The following FYB1 variants were observed in gnomAD, a reference collection of about 807,000 sequenced individuals.
The protein encoded by FYB1 is FYN binding protein 1, also known as FYN-binding protein 1.
A neutral mutation model predicts 94.1 loss-of-function variants in FYB1; 41 were observed. The ratio of observed to expected loss-of-function variants is 0.44; its 90% CI spans 0.34 to 0.57. The LOEUF is 0.57. Ranked by LOEUF, FYB1 falls within the 20% of genes least tolerant of loss-of-function variation. The probability of loss-of-function intolerance (pLI) is 0.02; values close to 1 mark genes in which losing one functional copy is unlikely to be tolerated. For missense variants in FYB1, 1,050 were observed against 976.8 expected, an observed-to-expected ratio of 1.07 and a Z score of -1.00; for synonymous variants, 367 against 353.2, an observed-to-expected ratio of 1.04 and a Z score of -0.44.
At chr5:39,128,265 C>G (rs749845876) in intron 10 of FYB1, among the ~76,000 whole-genome samples, 7 of 152,014 alleles carry the variant, frequency 4.6e-5, no homozygotes, top group African/African-American at 2.4e-5. Context: ...TGAAAAGTGA[C>G]TTTTAAAATA....
upstream of FYB1, among the ~76,000 whole-genome samples, chr5:39,224,572 A>G (rs905118436): frequency 1.3e-5 from 2 of 152,150 alleles, no homozygotes; most frequent in African/African-American, 4.8e-5. Context: ...TCCTCTAGAG[A>G]GCTCATTGTC....
At chr5:39,231,111 AG>A (rs1157076579) in intron 1 of FYB1, among the ~76,000 whole-genome samples, 1 of 144,340 alleles carries the variant, frequency 6.9e-6, no homozygotes, top group Non-Finnish European at 1.5e-5. Flanking sequence ...TCCAGGAGGC[AG>A]TTTGATGGAA....
chr5:39,260,258 G>C (rs1291354116), intron 1 of FYB1, among the ~76,000 whole-genome samples: 1 of 149,876 alleles, frequency 6.7e-6, no homozygotes, highest in Non-Finnish European at 1.5e-5. Context: ...ATAGCTTGTT[G>C]GGTAAATCCA....
intron 1 of FYB1, among the ~76,000 whole-genome samples, chr5:39,231,896 T>C (rs1750760812): frequency 6.6e-6 from 1 of 151,818 alleles, no homozygotes; most frequent in African/African-American, 2.4e-5. Context: ...TTTGAAGGGG[T>C]TTCTAGGTAA....
intron 2 of FYB1, among the ~76,000 whole-genome samples, chr5:39,174,057 T>A (rs1477859834): frequency 6.6e-6 from 1 of 152,198 alleles, no homozygotes; most frequent in Non-Finnish European, 1.5e-5. Context: ...ATTTTAATGA[T>A]ATCAATTCTT....
chr5:39,130,276 G>A (rs1186202557), intron 10 of FYB1, among the ~76,000 whole-genome samples: 1 of 152,058 alleles, frequency 6.6e-6, no homozygotes, highest in African/African-American at 2.4e-5. Context: ...TGTTTGGGGG[G>A]ACATGAAGAG....
chr5:39,261,250 C>T (rs928900565), intron 1 of FYB1, among the ~76,000 whole-genome samples: 1 of 149,676 alleles, frequency 6.7e-6, no homozygotes, highest in Admixed American at 6.7e-5. Flanking sequence ...CACACATGTA[C>T]CTATGTGACA....
upstream of FYB1, among the ~76,000 whole-genome samples, chr5:39,223,061 G>A (rs566789984): frequency 6.6e-5 from 10 of 151,928 alleles, no homozygotes; most frequent in South Asian, 1.9e-3. Flanking sequence ...CATGGCACAC[G>A]TTAACCTATG....
At position 39,158,205 on chromosome 5, in the gene FYB1, T is replaced by C. The variant is rs115704617; in HGVS notation, c.1136-4601A>G. On this transcript the variant is annotated intron_variant, in intron 2 of 18. Transcript: ENST00000512982. ...GTTAATAACCTCTGACTCAAACTTT[T>C]CATCCTTTTTAATTGTGGAAGTTTG... Among the ~76,000 whole-genome samples, 454 of 152,356 alleles carry C rather than the reference T, an allele frequency of 3.0e-3. 3 individuals are homozygous for C. The highest frequency in any genetic ancestry group is 0.011 in the African/African-American group (446 of 41,572).
intron 7 of FYB1, 142 bp downstream of exon 7, chr5:39,137,458 T>G (rs1741769188): frequency 1.1e-6 from 1 of 933,992 alleles, no homozygotes; most frequent in East Asian, 2.9e-5. Flanking sequence ...GACAAAAAAG[T>G]ACTGTTATGA....
chr5:39,261,301 G>A (rs57606827), intron 1 of FYB1, among the ~76,000 whole-genome samples: 16,090 of 83,408 alleles, frequency 0.19, 1,184 homozygotes, highest in African/African-American at 0.31. Context: ...ACTTAAAGTA[G>A]AATTAAAAAA....
At chr5:39,180,191 G>T (rs1427602903) in intron 2 of FYB1, among the ~76,000 whole-genome samples, 1 of 152,126 alleles carries the variant, frequency 6.6e-6, no homozygotes, top group Non-Finnish European at 1.5e-5. Flanking sequence ...CCCAATGTTT[G>T]CCATGTCCAG....
intron 9 of FYB1, among the ~76,000 whole-genome samples, chr5:39,133,804 C>CA (rs34779082): frequency 2.0e-5 from 3 of 151,510 alleles, no homozygotes; most frequent in African/African-American, 7.3e-5. Context: ...GTCGTATTTT[C>CA]AAAAAATAAC....
rs574714777 is a variant in FYB1, at chr5:39,105,526, T to G, written c.*1917A>C. On this transcript the variant is annotated 3_prime_UTR_variant, in exon 19 of 19. Coordinates refer to ENST00000512982, the MANE Select transcript of FYB1 (RefSeq NM_001465.6). Reference sequence around the variant, plus strand: ...CATAATTCTCAATCAGAAAAAAAATTACTGTCAGACTGCAATGCAAGTCTG... The same window carrying G: ...CATAATTCTCAATCAGAAAAAAAATGACTGTCAGACTGCAATGCAAGTCTG... The G allele has an allele frequency of 5.9e-5, 9 of 152,202 alleles. No homozygotes were observed. The East Asian group carries it at 1.7e-3, about 29-fold the overall frequency. 9.4% of individuals were successfully genotyped at this position (152,202 alleles called of 1,614,324 possible).
rs148244418 is a variant in FYB1 at position 39,270,508 on chromosome 5, T to C, written c.-28+3895A>G. 564 of 1,482,016 alleles carry C rather than the reference T, an allele frequency of 3.8e-4. 2 individuals carry two copies. The East Asian group carries it at 4.8e-3, about 13-fold the overall frequency. The allele number at this position is 1,482,016 out of a possible 1,614,324, so 91.8% of individuals were successfully genotyped here. A position where few individuals can be genotyped will look rare whatever the true frequency, so the allele number is the denominator to read the frequency against. ...AGCACCCTCAACTCTGACTGTTCTA[T>C]GCAGAGAAGAGTAGCACATTTGCCA... is the stretch of plus-strand genomic sequence containing the variant. On this transcript the variant is annotated intron_variant, in intron 1 of 1. Transcript: ENST00000510188.
chr5:39,137,244 C>T (rs7724793), intron 7 of FYB1, among the ~76,000 whole-genome samples: 2,232 of 152,190 alleles, frequency 0.015, 64 homozygotes, highest in African/African-American at 0.051. Context: ...TAATACATAC[C>T]ACAGGGATAT....
intron 9 of FYB1, 137 bp from the exon 10 acceptor site, chr5:39,130,749 A>C: frequency 1.5e-6 from 1 of 661,790 alleles, no homozygotes; most frequent in Non-Finnish European, 2.6e-6. Flanking sequence ...ATATGTAAAG[A>C]GGAAAAAATG....
chr5:39,247,296 T>C (rs1486502467), intron 1 of FYB1, among the ~76,000 whole-genome samples: 4 of 151,654 alleles, frequency 2.6e-5, no homozygotes, highest in African/African-American at 9.7e-5. Flanking sequence ...TTCTATTTTG[T>C]ATATCTTTAC....
intron 1 of FYB1, among the ~76,000 whole-genome samples, chr5:39,235,225 T>C (rs949132485): frequency 6.6e-6 from 1 of 151,698 alleles, no homozygotes; most frequent in Non-Finnish European, 1.5e-5. Flanking sequence ...AAACAATGAC[T>C]GTCAGAAAGC....
Sources: allele counts gnomAD v4.1 joint callset (sites outside exome capture counted in the v4.1 genomes callset), GRCh38; gene constraint gnomAD v4.1.1; transcripts MANE v1.5; gene names NCBI Gene and HGNC (gene_info 2026-07-23, HGNC 2026-07-21).